Variants in ACSM2B observed in about 807,000 individuals in gnomAD.
ACSM2B encodes the protein acyl-coenzyme A synthetase ACSM2B, mitochondrial.
In ACSM2B, 58 loss-of-function variants were observed where a neutral mutation model predicts 78.6. The observed-to-expected ratio is 0.74, with a 90% CI of 0.60 to 0.92. The LOEUF is 0.92. Ranked by LOEUF, ACSM2B falls within the 40% of genes least tolerant of loss-of-function variation. The pLI is 0.00. For missense variants in ACSM2B, 688 were observed against 711.2 expected (o/e 0.97, Z 0.37); for synonymous variants, 257 against 256.8 (o/e 1.00, Z -0.01).
Position 20,538,140 on chromosome 16 carries a change from C to A in ACSM2B, c.1630-778G>T, listed in dbSNP as rs571660604. 7.2e-5 allele frequency among the ~76,000 whole-genome samples: 11 copies of A among 152,092 alleles called. 1 individual carries two copies. Among genetic ancestry groups the A allele is most frequent in the Admixed American group, 5.9e-4 (9 of 15,268 alleles). On this transcript the variant is annotated intron_variant, in intron 13 of 13. Transcript: ENST00000329697. ...TGGTCTCGAATTTAATAAAAATTAA[C>A]GCTTTATTAACTTTAATTTAATAAT...
chr16:20,569,890 G>T (rs2016047990), intron 1 of ACSM2B, among the ~76,000 whole-genome samples: 1 of 151,740 alleles, frequency 6.6e-6, no homozygotes, highest in Non-Finnish European at 1.5e-5. Flanking sequence ...CAGAGCTACT[G>T]GTTTTTGTAC....
At chr16:20,556,549 C>A (rs936918498) in intron 3 of ACSM2B, among the ~76,000 whole-genome samples, 17 of 152,158 alleles carry the variant, frequency 1.1e-4, no homozygotes, top group African/African-American at 3.9e-4. Context: ...TTGCAGTGAG[C>A]CAAAATCGCA....
intron 1 of ACSM2B, among the ~76,000 whole-genome samples, chr16:20,568,406 A>G (rs1248657479): frequency 6.8e-5 from 10 of 146,372 alleles, no homozygotes; most frequent in Non-Finnish European, 1.5e-4. Context: ...ATATATAAAT[A>G]TTTATATATT....
chr16:20,546,475 C>G lies in ACSM2B; in HGVS notation c.1099-1G>C. ...TCTTGGAAACCATGCAAGTTAATCC[C>G]TGTGGAAAGAAGCAGACAGATCAGC... On this transcript the variant is annotated splice_acceptor_variant, in intron 8 of 13. Coordinates refer to ENST00000329697, the MANE Select transcript of ACSM2B (RefSeq NM_001105069.2). LOFTEE classifies it high-confidence loss of function. 1 of 1,598,164 alleles carries G rather than the reference C, an allele frequency of 6.3e-7. No homozygotes were observed. Among genetic ancestry groups the G allele is most frequent in the Non-Finnish European group, 8.5e-7 (1 of 1,173,476 alleles).
chr16:20,560,485 T>A (rs994270136), intron 2 of ACSM2B, among the ~76,000 whole-genome samples: 1 of 152,104 alleles, frequency 6.6e-6, no homozygotes, highest in Non-Finnish European at 1.5e-5. Context: ...TTTCTTCATC[T>A]TCCAACATTA....
chr16:20,554,303 C>A, intron 4 of ACSM2B: 1 of 382,366 alleles, frequency 2.6e-6, no homozygotes, highest in South Asian at 2.1e-5. Flanking sequence ...AGAGCCCTGG[C>A]ATGACACCAA....
At chr16:20,555,145 A>G (rs2015431551) in intron 4 of ACSM2B, 124 bp downstream of exon 4, 4 of 1,471,558 alleles carry the variant, frequency 2.7e-6, no homozygotes, top group East Asian at 2.3e-5. Flanking sequence ...ATTTCTTCCC[A>G]GCTTCACTCT....
At chr16:20,573,255 A>G (rs1299439361) in intron 1 of ACSM2B, among the ~76,000 whole-genome samples, 1 of 151,236 alleles carries the variant, frequency 6.6e-6, no homozygotes, top group Non-Finnish European at 1.5e-5. Context: ...TTCCCATGGG[A>G]TGTTCCCCTG....
In ACSM2B at chr16:20,566,645, CTATACTATATATATG is replaced by C. The variant is rs1473299739; in HGVS notation, c.-8-1807_-8-1793del. On this transcript the variant is annotated intron_variant, in intron 1 of 13. Transcript: ENST00000329697. ...ATATACTATATATAGTATATATATA[CTATACTATATATATG>C]TATATATAGTATATACATATAGTAT... Among the ~76,000 whole-genome samples the C allele has an allele frequency of 2.1e-3, 24 of 11,594 alleles. 3 individuals carry two copies. The highest frequency in any genetic ancestry group is 0.014 in the East Asian group (4 of 282). 7.6% of individuals were successfully genotyped at this position (11,594 alleles called of 152,430 possible). A position where few individuals can be genotyped will look rare whatever the true frequency, so the allele number is the denominator to read the frequency against.
intron 5 of ACSM2B, among the ~76,000 whole-genome samples, chr16:20,552,949 G>A (rs2015363796): frequency 6.6e-6 from 1 of 152,104 alleles, no homozygotes; most frequent in Non-Finnish European, 1.5e-5. Flanking sequence ...ACTTCTCTAA[G>A]TCTCACTTTA....
chr16:20,547,618 T>C (rs1201939834), intron 8 of ACSM2B: 3 of 1,003,316 alleles, frequency 3.0e-6, no homozygotes, highest in Non-Finnish European at 3.6e-6. Context: ...AAAGCCATGG[T>C]GGGTTCTTCT....
Position 20,542,972 on chromosome 16 carries a change from T to G in ACSM2B, c.1451A>C (p.Lys484Thr). The change falls in exon 12 of 14, where the codon AAG becomes ACG. Residue 484 changes from lysine to threonine, a missense_variant. By Grantham distance (78) the Lys-to-Thr change is moderately conservative. Coordinates refer to ENST00000329697, the MANE Select transcript of ACSM2B (RefSeq NM_001105069.2). ...GPSEVENALM[K>T]HPAVVETAVI... is the part of the protein sequence containing the mutation. ...AGCCGTCTCAACCACAGCAGGGTGC[T>G]TCATCAGTGCATTCTCTACCTCCGA... is the stretch of plus-strand genomic sequence containing the variant. 1 of 1,613,644 alleles carries G rather than the reference T, an allele frequency of 6.2e-7. No homozygotes were observed. The highest frequency in any genetic ancestry group is 1.1e-5 in the South Asian group (1 of 91,076).
intron 9 of ACSM2B, 119 bp from the exon 10 acceptor site, chr16:20,545,377 C>T (rs528017419): frequency 9.3e-5 from 114 of 1,225,568 alleles, no homozygotes; most frequent in Non-Finnish European, 1.0e-4. Flanking sequence ...AGACTGAAAA[C>T]GACAACCAAA....
chr16:20,554,941 G>C (rs1292618419), intron 4 of ACSM2B, among the ~76,000 whole-genome samples: 1 of 152,196 alleles, frequency 6.6e-6, no homozygotes, highest in African/African-American at 2.4e-5. Context: ...GCGCAGCCCA[G>C]AAGTGTGGAG....
intron 5 of ACSM2B, among the ~76,000 whole-genome samples, chr16:20,553,371 C>T (rs1261482122): frequency 6.6e-6 from 1 of 152,152 alleles, no homozygotes; most frequent in Non-Finnish European, 1.5e-5. Context: ...CAAATTTATC[C>T]AATTATATCT....
chr16:20,569,188 T>G (rs1310256771), intron 1 of ACSM2B, among the ~76,000 whole-genome samples: 1 of 152,048 alleles, frequency 6.6e-6, no homozygotes, highest in African/African-American at 2.4e-5. Context: ...AGAATTTTTA[T>G]AGTTTCAGGT....
chr16:20,570,478 A>C (rs2016062245), intron 1 of ACSM2B, among the ~76,000 whole-genome samples: 1 of 151,720 alleles, frequency 6.6e-6, no homozygotes, highest in Non-Finnish European at 1.5e-5. Flanking sequence ...GCTAATTAAG[A>C]ATTTTTGCAT....
intron 2 of ACSM2B, among the ~76,000 whole-genome samples, chr16:20,563,094 G>C (rs1055849868): frequency 1.3e-5 from 2 of 152,084 alleles, no homozygotes; most frequent in African/African-American, 4.8e-5. Context: ...GGGCAGATTT[G>C]AGAAATATCT....
At chr16:20,550,578 C>G (rs1178666875) in intron 6 of ACSM2B, among the ~76,000 whole-genome samples, 1 of 152,056 alleles carries the variant, frequency 6.6e-6, no homozygotes, top group Non-Finnish European at 1.5e-5. Flanking sequence ...CAGAGAATGA[C>G]AGTATTATTT....
Sources: allele counts gnomAD v4.1 joint callset (sites outside exome capture counted in the v4.1 genomes callset), GRCh38; gene constraint gnomAD v4.1.1; transcripts MANE v1.5; gene names NCBI Gene and HGNC (gene_info 2026-07-23, HGNC 2026-07-21).